PTPRT: variants seen among roughly 807,000 people sequenced by gnomAD.
The protein encoded by PTPRT is protein tyrosine phosphatase receptor type T, also known as receptor-type tyrosine-protein phosphatase T.
Under a neutral mutation model 176.8 loss-of-function variants are expected in PTPRT, and 56 were observed. That is an observed-to-expected ratio of 0.32 (90% confidence interval 0.26 to 0.40). PTPRT has a LOEUF of 0.40. Among genes scored for constraint, PTPRT ranks in the 10% least tolerant of loss-of-function variants. PTPRT has a pLI of 1.00. For missense variants in PTPRT, 1,540 were observed against 1,908.2 expected, an observed-to-expected ratio of 0.81 and a Z score of 3.60; for synonymous variants, 783 against 739.0, an observed-to-expected ratio of 1.06 and a Z score of -0.96.
intron 1 of PTPRT, among the ~76,000 whole-genome samples, chr20:43,107,675 A>G (rs143672941): frequency 6.6e-6 from 1 of 152,344 alleles, no homozygotes; most frequent in African/African-American, 2.4e-5. Context: ...AAATTAAAAC[A>G]GGTTTACACA....
intron 26 of PTPRT, among the ~76,000 whole-genome samples, chr20:42,101,202 T>C (rs1470335539): frequency 6.6e-6 from 1 of 152,172 alleles, no homozygotes; most frequent in Non-Finnish European, 1.5e-5. Flanking sequence ...GATGTTTGCC[T>C]CTTATTGGAT....
intron 1 of PTPRT, among the ~76,000 whole-genome samples, chr20:43,161,577 T>G (rs1393584660): frequency 6.6e-6 from 1 of 152,098 alleles, no homozygotes; most frequent in Non-Finnish European, 1.5e-5. Context: ...GCAAAATTGG[T>G]AAGACACTCA....
intron 1 of PTPRT, among the ~76,000 whole-genome samples, chr20:43,017,400 G>A (rs11697329): frequency 1.3e-5 from 2 of 151,608 alleles, no homozygotes; most frequent in African/African-American, 4.9e-5. Context: ...CCGCCCAATC[G>A]CATCTCCCTC....
chr20:42,214,801 A>G (rs1415324256), intron 15 of PTPRT, among the ~76,000 whole-genome samples: 1 of 152,218 alleles, frequency 6.6e-6, no homozygotes, highest in Non-Finnish European at 1.5e-5. Context: ...CCCTCTGGGT[A>G]CATGGCCATA....
In PTPRT at chr20:42,311,149, C is replaced by T. The variant is rs1052492458; in HGVS notation, c.2139+4574G>A. On this transcript the variant is annotated intron_variant, in intron 12 of 30. Coordinates refer to ENST00000373187, the MANE Select transcript of PTPRT (RefSeq NM_007050.6). The stretch of plus-strand genomic sequence containing the variant: ...ACTTATTTATTTTTGTTCTCTCCCC[C>T]ACTAGAATGAAAACACGATGAGATC... Among the ~76,000 whole-genome samples, 6 of 152,306 alleles carry T rather than the reference C, an allele frequency of 3.9e-5. No individual in the cohort carries two copies. In the South Asian group the frequency reaches 6.2e-4, roughly 16 times the overall value.
At chr20:42,968,684 C>A (rs1166124791) in intron 1 of PTPRT, 3 of 152,198 alleles carry the variant, frequency 2.0e-5, no homozygotes, top group Non-Finnish European at 4.4e-5. Flanking sequence ...CTCACAATGA[C>A]CTGGTGAGGT....
the PTPRT span, among the ~76,000 whole-genome samples, chr20:42,061,422 T>G: frequency 8.9e-4 from 135 of 152,298 alleles, 1 homozygote; most frequent in Middle Eastern, 0.014. Context: ...TGCCAGTGTA[T>G]ATAAGTATTT....
intron 9 of PTPRT, among the ~76,000 whole-genome samples, chr20:42,410,806 A>G (rs1168792722): frequency 6.6e-6 from 1 of 152,252 alleles, no homozygotes; most frequent in African/African-American, 2.4e-5. Flanking sequence ...TAAATTATAC[A>G]AAACACTTCT....
At chr20:42,511,840 G>A (rs1181531426) in intron 7 of PTPRT, among the ~76,000 whole-genome samples, 1 of 151,928 alleles carries the variant, frequency 6.6e-6, no homozygotes, top group South Asian at 2.1e-4. Context: ...TCTAGACCAA[G>A]TTCCTACCAA....
At chr20:42,584,008 A>G (rs1250322484) in intron 7 of PTPRT, among the ~76,000 whole-genome samples, 1 of 152,130 alleles carries the variant, frequency 6.6e-6, no homozygotes, top group Non-Finnish European at 1.5e-5. Flanking sequence ...CAGTTAACTG[A>G]TCTGGCTGAG....
chr20:42,055,248 T>C, the PTPRT span, among the ~76,000 whole-genome samples: 4 of 152,240 alleles, frequency 2.6e-5, no homozygotes, highest in East Asian at 1.9e-4. Flanking sequence ...TCTTAAATCT[T>C]TGGAAAGTTT....
chr20:42,665,021 T>C (rs2075289299), intron 7 of PTPRT, among the ~76,000 whole-genome samples: 1 of 152,100 alleles, frequency 6.6e-6, no homozygotes, highest in Non-Finnish European at 1.5e-5. Flanking sequence ...GGCAATACCA[T>C]TCAGGACATA....
chr20:42,704,587 T>C (rs1405645267), intron 6 of PTPRT, among the ~76,000 whole-genome samples: 5 of 152,148 alleles, frequency 3.3e-5, no homozygotes, highest in African/African-American at 9.7e-5. Context: ...ATTCAGATCC[T>C]GTTAACTGGA....
chr20:43,059,819 A>C (rs536858177), intron 1 of PTPRT, among the ~76,000 whole-genome samples: 2 of 152,116 alleles, frequency 1.3e-5, no homozygotes, highest in African/African-American at 4.8e-5. Context: ...CCTCTACTAA[A>C]AATACAAAAA....
intron 8 of PTPRT, among the ~76,000 whole-genome samples, chr20:42,458,098 C>T (rs898030750): frequency 2.0e-5 from 3 of 152,182 alleles, no homozygotes; most frequent in African/African-American, 7.2e-5. Context: ...CAGGCAGTCT[C>T]AGCCTAGTCA....
chr20:42,478,008 T>A (rs1303743264), intron 7 of PTPRT, among the ~76,000 whole-genome samples: 1 of 152,130 alleles, frequency 6.6e-6, no homozygotes, highest in Non-Finnish European at 1.5e-5. Context: ...GCTCCACATT[T>A]ATGACCCCCT....
In PTPRT at chr20:42,077,610, C is replaced by T. The variant is rs1982902151; in HGVS notation, c.*3269G>A. 1 of 219,656 alleles carries T rather than the reference C, an allele frequency of 4.6e-6. No individual in the cohort carries two copies. The highest frequency in any genetic ancestry group is 2.2e-5 in the African/African-American group (1 of 44,566). 13.6% of individuals were successfully genotyped at this position (219,656 alleles called of 1,614,324 possible). A position where few individuals can be genotyped will look rare whatever the true frequency, so the allele number is the denominator to read the frequency against. ...ATTCCTGGGCACTGGTGCCCCATCT[C>T]ATCCAAGCCTTGCCACATCCTTGTC... On this transcript the variant is annotated 3_prime_UTR_variant, in exon 31 of 31. Coordinates refer to ENST00000373187, the MANE Select transcript of PTPRT (RefSeq NM_007050.6).
intron 9 of PTPRT, among the ~76,000 whole-genome samples, chr20:42,384,003 G>A (rs559013328): frequency 3.9e-5 from 6 of 152,316 alleles, no homozygotes; most frequent in African/African-American, 7.2e-5. Flanking sequence ...GGGTAGGGAC[G>A]TAGAGACGAC....
intron 1 of PTPRT, among the ~76,000 whole-genome samples, chr20:42,976,397 T>A (rs1314860704): frequency 6.6e-6 from 1 of 151,552 alleles, no homozygotes; most frequent in Non-Finnish European, 1.5e-5. Flanking sequence ...ATAGTATGCA[T>A]TTTTTATTTA....
Sources: gnomAD v4.1 joint callset for allele counts (sites outside exome capture counted in the v4.1 genomes callset) on GRCh38, gnomAD v4.1.1 for gene constraint, MANE v1.5 for transcripts, NCBI Gene and HGNC (gene_info 2026-07-23, HGNC 2026-07-21) for gene names.